The following SLC44A1 variants were observed in gnomAD, a reference collection of about 807,000 sequenced individuals.
SLC44A1 encodes solute carrier family 44 member 1, also known as choline transporter-like protein 1.
A neutral mutation model predicts 79.3 loss-of-function variants in SLC44A1; 26 were observed. The ratio of observed to expected loss-of-function variants is 0.33; its 90% CI spans 0.24 to 0.46. The LOEUF (loss-of-function observed/expected upper bound fraction) is 0.46, where lower values mean the gene tolerates loss of function less well. Ranked by LOEUF, SLC44A1 falls within the 20% of genes least tolerant of loss-of-function variation. The pLI is 1.00. For synonymous variants in SLC44A1, 263 were observed against 286.2 expected (o/e 0.92, Z 0.82); for missense variants, 688 against 798.1 (o/e 0.86, Z 1.66).
In SLC44A1 at chr9:105,268,301, A is replaced by G. The variant is rs184075018; in HGVS notation, c.36+23397A>G. Among the ~76,000 whole-genome samples the G allele has an allele frequency of 2.6e-5, 4 of 152,216 alleles. No individual in the cohort carries two copies. The South Asian group carries it at 6.2e-4, about 24-fold the overall frequency. On this transcript the variant is annotated intron_variant, in intron 1 of 15. Transcript: ENST00000374720. ...GGTTCACTTCCTATCTTTTCCCACCACTGGCTCGGGATTCAGCTTTTTCGA... is the reference window on the plus strand; with the variant it reads ...GGTTCACTTCCTATCTTTTCCCACCGCTGGCTCGGGATTCAGCTTTTTCGA...
rs528931564 is a variant in SLC44A1, at chr9:105,369,163, C to A, written c.1494+2734C>A. 3.3e-5 allele frequency among the ~76,000 whole-genome samples: 5 copies of A among 152,280 alleles called. No homozygotes were observed. In the South Asian group the frequency reaches 1.0e-3, roughly 32 times the overall value. ...CCTACAGTATGGGTTTGACTTTGTG[C>A]CCTGTCTTAATCTGTTCAGGCTTCT... is the stretch of plus-strand genomic sequence containing the variant. On this transcript the variant is annotated intron_variant, in intron 12 of 15. Transcript: ENST00000374720.
In SLC44A1 at chr9:105,395,241, A is replaced by G; in HGVS notation, c.*6185A>G. 1.0e-6 allele frequency: 1 copy of G among 957,222 alleles called. No homozygotes were observed. Among genetic ancestry groups the G allele is most frequent in the Non-Finnish European group, 1.2e-6 (1 of 804,430 alleles). 59.3% of individuals were successfully genotyped at this position (957,222 alleles called of 1,614,324 possible). A position where few individuals can be genotyped will look rare whatever the true frequency, so the allele number is the denominator to read the frequency against. ...TGTTTGTTTTTGGTGTTTTTTTGAG[A>G]CGGAGTCTCGCTCTATCGCCAGCTT... On this transcript the variant is annotated 3_prime_UTR_variant, in exon 16 of 16. Coordinates refer to ENST00000374720, the MANE Select transcript of SLC44A1 (RefSeq NM_080546.5).
At chr9:105,420,655 A>T (rs1184461128) in intron 15 of SLC44A1, among the ~76,000 whole-genome samples, 1 of 151,996 alleles carries the variant, frequency 6.6e-6, no homozygotes, top group Non-Finnish European at 1.5e-5. Context: ...TGAGGTTGGG[A>T]GTTCAAGACC....
chr9:105,383,953 AT>A (rs1828552551), intron 14 of SLC44A1, among the ~76,000 whole-genome samples: 1 of 152,212 alleles, frequency 6.6e-6, no homozygotes, highest in South Asian at 2.1e-4. Context: ...TTTCTTTAAA[AT>A]TTTGAAAACC....
At chr9:105,362,682 T>C in intron 8 of SLC44A1, 139 bp from the exon 9 acceptor site, 2 of 536,590 alleles carry the variant, frequency 3.7e-6, no homozygotes, top group South Asian at 3.4e-5. Context: ...AGAGAGATAC[T>C]TACTGATAAA....
chr9:105,360,100 C>A (rs1170563301), intron 7 of SLC44A1, among the ~76,000 whole-genome samples: 1 of 152,142 alleles, frequency 6.6e-6, no homozygotes, highest in African/African-American at 2.4e-5. Context: ...TACCACTTTC[C>A]GCATTGCTCA....
rs559524027 is a variant in SLC44A1, at chr9:105,251,750, G to A, written c.36+6846G>A. Among the ~76,000 whole-genome samples the A allele has an allele frequency of 4.8e-4, 73 of 152,246 alleles. 1 individual carries two copies. In the South Asian group the frequency reaches 9.7e-3, roughly 20 times the overall value. Reference sequence around the variant, plus strand: ...TAGGAGGCTCTTTGCTTTGCTCCCTGGCTTTTGGCTGGTTGCTTTAAGTTT... The same window carrying A: ...TAGGAGGCTCTTTGCTTTGCTCCCTAGCTTTTGGCTGGTTGCTTTAAGTTT... On this transcript the variant is annotated intron_variant, in intron 1 of 15. Coordinates refer to ENST00000374720, the MANE Select transcript of SLC44A1 (RefSeq NM_080546.5).
At chr9:105,309,601 C>T in intron 2 of SLC44A1, 123 bp from the exon 3 acceptor site, 1 of 784,980 alleles carries the variant, frequency 1.3e-6, no homozygotes, top group Non-Finnish European at 2.0e-6. Context: ...ATAGTGTTTG[C>T]AGTAAGAAAA....
rs1304384342 is a variant in SLC44A1, at chr9:105,395,848, A to G, written c.*6792A>G. On this transcript the variant is annotated 3_prime_UTR_variant, in exon 16 of 16. Transcript: ENST00000374720. ...TCCATGGATCATTCTAGTTGCCACT[A>G]GAAAATGTGAGCTCCTTCTTCATTT... The G allele has an allele frequency of 4.1e-6, 4 of 984,288 alleles. No individual in the cohort carries two copies. The highest frequency in any genetic ancestry group is 6.2e-5 in the Admixed American group (1 of 16,248). 61.0% of individuals were successfully genotyped at this position (984,288 alleles called of 1,614,324 possible).
At chr9:105,301,191 C>G (rs12378850) in intron 2 of SLC44A1, among the ~76,000 whole-genome samples, 1 of 152,106 alleles carries the variant, frequency 6.6e-6, no homozygotes, top group East Asian at 1.9e-4. Context: ...CCATGCCACC[C>G]GAGGTGCTTT....
At chr9:105,368,936 G>A (rs1346131995) in intron 12 of SLC44A1, among the ~76,000 whole-genome samples, 1 of 152,164 alleles carries the variant, frequency 6.6e-6, no homozygotes, top group East Asian at 1.9e-4. Flanking sequence ...TACTCCGGAG[G>A]CCGAGGCAGG....
At chr9:105,414,722 A>G (rs1034397358) in intron 15 of SLC44A1, among the ~76,000 whole-genome samples, 1 of 152,200 alleles carries the variant, frequency 6.6e-6, no homozygotes, top group Non-Finnish European at 1.5e-5. Context: ...TCTTGAGCCC[A>G]GGAGTTCTAG....
chr9:105,295,085 G>A (rs1474754924), intron 1 of SLC44A1, among the ~76,000 whole-genome samples: 1 of 152,056 alleles, frequency 6.6e-6, no homozygotes, highest in East Asian at 1.9e-4. Flanking sequence ...TTCTGCTAGA[G>A]TTTGAGGACT....
At chr9:105,371,956 T>A (rs1828117962) in intron 12 of SLC44A1, among the ~76,000 whole-genome samples, 1 of 152,160 alleles carries the variant, frequency 6.6e-6, no homozygotes, top group Non-Finnish European at 1.5e-5. Context: ...AGTTTATTTT[T>A]ACTTCATTGA....
Position 105,364,538 on chromosome 9 carries a change from C to G in SLC44A1, c.1088-17C>G. The G allele has an allele frequency of 4.4e-6, 7 of 1,591,306 alleles. No individual in the cohort carries two copies. The highest frequency in any genetic ancestry group is 6.0e-6 in the Non-Finnish European group (7 of 1,171,302). On this transcript the variant is annotated splice_polypyrimidine_tract_variant and intron_variant, in intron 9 of 15. Coordinates refer to ENST00000374720, the MANE Select transcript of SLC44A1 (RefSeq NM_080546.5). ...TACTTTATGTGCTTCTTCTTTCCTT[C>G]CTTGATATTTTCCTAGGCAGTCCTG...
At chr9:105,433,689 A>G (rs747751275) in intron 15 of SLC44A1, among the ~76,000 whole-genome samples, 68 of 143,260 alleles carry the variant, frequency 4.7e-4, no homozygotes, top group Non-Finnish European at 9.5e-4. Context: ...CCAGGCCTTT[A>G]CCCACCAAGC....
At chr9:105,280,471 G>T (rs1235767459) in intron 1 of SLC44A1, among the ~76,000 whole-genome samples, 1 of 152,120 alleles carries the variant, frequency 6.6e-6, no homozygotes, top group Non-Finnish European at 1.5e-5. Context: ...TTAATGGAAG[G>T]TAATAGTCTA....
In SLC44A1 at chr9:105,366,368, TGC is replaced by T; in HGVS notation, c.1434_1435del (p.Leu479GlufsTer11). On this transcript the variant is annotated frameshift_variant, in exon 12 of 16. Coordinates refer to ENST00000374720, the MANE Select transcript of SLC44A1 (RefSeq NM_080546.5). LOFTEE classifies it high-confidence loss of function. ...CAGGAAAATGCTTGTGCACGATGTG[TGC>T]TGAAATCTTGCATTTGTTGCCTTTG... is the stretch of plus-strand genomic sequence containing the variant. 1 of 1,528,472 alleles carries T rather than the reference TGC, an allele frequency of 6.5e-7. No individual in the cohort carries two copies. The highest frequency in any genetic ancestry group is 8.8e-7 in the Non-Finnish European group (1 of 1,138,868). The allele number at this position is 1,528,472 out of a possible 1,614,324, so 94.7% of individuals were successfully genotyped here.
intron 1 of SLC44A1, among the ~76,000 whole-genome samples, chr9:105,275,044 A>G (rs1830167409): frequency 6.6e-6 from 1 of 152,242 alleles, no homozygotes; most frequent in African/African-American, 2.4e-5. Flanking sequence ...ATAATGATAT[A>G]AAACAGTTCA....
Sources: gnomAD v4.1 joint callset for allele counts (sites outside exome capture counted in the v4.1 genomes callset) on GRCh38, gnomAD v4.1.1 for gene constraint, MANE v1.5 for transcripts, NCBI Gene and HGNC (gene_info 2026-07-23, HGNC 2026-07-21) for gene names.